The following ITPRID1 variants were observed in gnomAD, a reference collection of about 807,000 sequenced individuals.
The protein encoded by ITPRID1 is ITPR interacting domain containing 1, also known as protein ITPRID1.
Under a neutral mutation model 95.4 loss-of-function variants are expected in ITPRID1, and 96 were observed. That is an observed-to-expected ratio of 1.01 (90% CI 0.85 to 1.19). The LOEUF is 1.19. Among genes scored for constraint, ITPRID1 ranks in the 50% most tolerant of loss-of-function variants. The pLI, the probability that ITPRID1 is intolerant of heterozygous loss-of-function variation, is 0.00. For synonymous variants in ITPRID1, 510 were observed against 453.6 expected (o/e 1.12, Z -1.58); for missense variants, 1,339 against 1,252.9 (o/e 1.07, Z -1.04).
rs185874227 is a variant in ITPRID1, at chr7:31,553,365, G to C, written c.163+178G>C. 2.3e-3 allele frequency among the ~76,000 whole-genome samples: 354 copies of C among 152,308 alleles called. 1 individual carries two copies. The highest frequency in any genetic ancestry group is 8.0e-3 in the African/African-American group (332 of 41,568). ...ATGGGCACTTCTGACTTCTGCTATA[G>C]ACATCAGGACACAGACCTCCTTGAA... On this transcript the variant is annotated intron_variant, in intron 3 of 14. Transcript: ENST00000615280.
In ITPRID1 at chr7:31,536,341, A is replaced by G. The variant is rs546702290; in HGVS notation, c.-97-13085A>G. On this transcript the variant is annotated intron_variant, in intron 1 of 14. Coordinates refer to ENST00000615280, the MANE Select transcript of ITPRID1 (RefSeq NM_001257967.3). ...TTTGTGTTTTTTCCAACATTTTTCA[A>G]TTTCCTGTTGGAAGTCTCCTCTATT... 5.9e-5 allele frequency among the ~76,000 whole-genome samples: 9 copies of G among 151,916 alleles called. No homozygotes were observed. The South Asian group carries it at 6.2e-4, about 11-fold the overall frequency.
At chr7:31,567,715 G>A (rs1291795084) in intron 5 of ITPRID1, among the ~76,000 whole-genome samples, 1 of 151,976 alleles carries the variant, frequency 6.6e-6, no homozygotes, top group African/African-American at 2.4e-5. Flanking sequence ...CTGAGTAGCT[G>A]TCACCCTGCC....
chr7:31,632,702 C>T (rs756340478), intron 10 of ITPRID1, among the ~76,000 whole-genome samples: 9 of 152,102 alleles, frequency 5.9e-5, no homozygotes, highest in Non-Finnish European at 1.0e-4. Context: ...CAGTCCTCCT[C>T]GTTTCCATGT....
At chr7:31,604,409 C>T (rs1786527690) in intron 10 of ITPRID1, among the ~76,000 whole-genome samples, 1 of 152,168 alleles carries the variant, frequency 6.6e-6, no homozygotes, top group Non-Finnish European at 1.5e-5. Context: ...CCCTTTATTT[C>T]TCTAGCAAAA....
At chr7:31,565,321 CAT>C (rs902951870) in intron 5 of ITPRID1, among the ~76,000 whole-genome samples, 2 of 152,312 alleles carry the variant, frequency 1.3e-5, no homozygotes, top group African/African-American at 4.8e-5. Context: ...TTTAAAAAAT[CAT>C]ATTCAGTTTT....
chr7:31,645,123 T>C (rs1393732032), intron 12 of ITPRID1, among the ~76,000 whole-genome samples: 1 of 152,212 alleles, frequency 6.6e-6, no homozygotes, highest in East Asian at 1.9e-4. Context: ...AAGTGGGAAG[T>C]CCAAATTCAG....
intron 10 of ITPRID1, among the ~76,000 whole-genome samples, chr7:31,618,833 C>T (rs896640456): frequency 8.5e-5 from 13 of 152,116 alleles, no homozygotes; most frequent in Admixed American, 2.0e-4. Flanking sequence ...AATTATATGC[C>T]GCAAATATAA....
At chr7:31,639,540 T>TTTTTG (rs1789821898) in intron 10 of ITPRID1, among the ~76,000 whole-genome samples, 1 of 8,202 alleles carries the variant, frequency 1.2e-4, no homozygotes, top group Non-Finnish European at 2.9e-4. Context: ...TTGTTTTTGT[T>TTTTTG]TTTTTTTTTT....
chr7:31,622,391 A>G (rs1389651729), intron 10 of ITPRID1, among the ~76,000 whole-genome samples: 24 of 152,120 alleles, frequency 1.6e-4, no homozygotes, highest in African/African-American at 5.6e-4. Context: ...AAAGAACAGA[A>G]ATCATAACAA....
chr7:31,582,111 A>G (rs1785425486), intron 9 of ITPRID1, among the ~76,000 whole-genome samples: 1 of 152,230 alleles, frequency 6.6e-6, no homozygotes, highest in African/African-American at 2.4e-5. Flanking sequence ...GTAATATGAC[A>G]TGTAGAACAG....
chr7:31,524,454 T>C (rs1783362476), intron 1 of ITPRID1, among the ~76,000 whole-genome samples: 1 of 152,218 alleles, frequency 6.6e-6, no homozygotes, highest in South Asian at 2.1e-4. Flanking sequence ...TGCAGCCATT[T>C]TGAGTCATGA....
intron 1 of ITPRID1, among the ~76,000 whole-genome samples, chr7:31,545,070 G>A (rs1027330401): frequency 3.3e-5 from 5 of 152,130 alleles, no homozygotes; most frequent in African/African-American, 1.2e-4. Flanking sequence ...ATGTGAAGAG[G>A]CTACAGTAAG....
At chr7:31,541,092 A>G (rs1037181170) in intron 1 of ITPRID1, among the ~76,000 whole-genome samples, 3 of 152,232 alleles carry the variant, frequency 2.0e-5, no homozygotes, top group Non-Finnish European at 4.4e-5. Context: ...AAAATCAGGT[A>G]AAGAGAAACA....
At position 31,642,861 on chromosome 7, in the gene ITPRID1, C is replaced by T. The variant is rs141164020; in HGVS notation, c.1491C>T (p.Ala497=). The part of the protein sequence containing the change: ...SQEANALEQR[A]SVSVMEEEFL... ...AAGCGAATGCCTTGGAACAAAGGGC[C>T]TCAGTATCTGTGATGGAGGAAGAGT... is the stretch of plus-strand genomic sequence containing the variant. Residue 497 remains alanine (A), a synonymous_variant, in exon 12 of 15, where the codon GCC becomes GCT. Transcript: ENST00000615280. The T allele has an allele frequency of 1.4e-3, 2,188 of 1,613,878 alleles. 2 individuals are homozygous for T. Among genetic ancestry groups the T allele is most frequent in the Non-Finnish European group, 1.7e-3 (2,032 of 1,179,902 alleles).
intron 13 of ITPRID1, 109 bp downstream of exon 13, chr7:31,651,378 C>T: frequency 1.6e-6 from 2 of 1,264,270 alleles, no homozygotes; most frequent in Non-Finnish European, 2.1e-6. Flanking sequence ...TAATGAGAAA[C>T]CGGCCAGCTT....
intron 1 of ITPRID1, among the ~76,000 whole-genome samples, chr7:31,520,234 A>T (rs975133877): frequency 6.6e-6 from 1 of 152,158 alleles, no homozygotes; most frequent in African/African-American, 2.4e-5. Context: ...TCAAAAAAAC[A>T]CACTATCAAC....
intron 10 of ITPRID1, among the ~76,000 whole-genome samples, chr7:31,599,889 G>C (rs1175910887): frequency 6.6e-6 from 1 of 151,752 alleles, no homozygotes; most frequent in East Asian, 1.9e-4. Flanking sequence ...TAGTGGAGAC[G>C]GGGTTTCACT....
chr7:31,658,469 G>A, downstream of ITPRID1: 1 of 1,289,990 alleles, frequency 7.8e-7, no homozygotes, highest in Non-Finnish European at 1.0e-6. Context: ...TTTGTAAAGA[G>A]GTTAGAGTAT....
chr7:31,647,710 A>AGAAGACGATGACGACAACGACGAC (rs1554299905), intron 12 of ITPRID1, among the ~76,000 whole-genome samples: 2 of 149,668 alleles, frequency 1.3e-5, no homozygotes, highest in Non-Finnish European at 3.0e-5. Flanking sequence ...AGGAAGAAGA[A>AGAAGACGATGACGACAACGACGAC]GACGATGACG....
Sources: gnomAD v4.1 joint callset for allele counts (sites outside exome capture counted in the v4.1 genomes callset) on GRCh38, gnomAD v4.1.1 for gene constraint, MANE v1.5 for transcripts, NCBI Gene and HGNC (gene_info 2026-07-23, HGNC 2026-07-21) for gene names.